Variants in RALYL observed in about 807,000 individuals in gnomAD.
The protein encoded by RALYL is RALY RNA binding protein like.
A neutral mutation model predicts 35.1 loss-of-function variants in RALYL; 29 were observed. That is an observed-to-expected ratio of 0.83 (90% CI 0.61 to 1.13). RALYL has a LOEUF of 1.13. RALYL is among the 50% of genes most tolerant of loss of function. The pLI is 0.00. For synonymous variants in RALYL, 120 were observed against 127.6 expected (o/e 0.94, Z 0.40); for missense variants, 359 against 360.4 (o/e 1.00, Z 0.03).
intron 1 of RALYL, among the ~76,000 whole-genome samples, chr8:84,265,343 A>G (rs1236398558): frequency 6.6e-6 from 1 of 152,230 alleles, no homozygotes; most frequent in Admixed American, 6.5e-5. Flanking sequence ...GTGGCCAGAA[A>G]GAGATACTAT....
chr8:84,586,659 G>A (rs1245227236), intron 2 of RALYL, among the ~76,000 whole-genome samples: 1 of 152,138 alleles, frequency 6.6e-6, no homozygotes. Flanking sequence ...AGCTAGTACA[G>A]TTGAGTTTGA....
At chr8:84,793,342 A>T (rs1382608755) in intron 3 of RALYL, among the ~76,000 whole-genome samples, 5 of 152,186 alleles carry the variant, frequency 3.3e-5, no homozygotes, top group Non-Finnish European at 7.3e-5. Flanking sequence ...GTGGTATGAA[A>T]CTCAGGGAAG....
chr8:84,795,875 C>T (rs377044185), intron 3 of RALYL, among the ~76,000 whole-genome samples: 4 of 152,252 alleles, frequency 2.6e-5, no homozygotes, highest in South Asian at 2.1e-4. Context: ...AATGTTTATT[C>T]GCACTTTCAG....
chr8:84,207,575 G>T (rs1586176818), intron 1 of RALYL, among the ~76,000 whole-genome samples: 1 of 151,982 alleles, frequency 6.6e-6, no homozygotes, highest in Admixed American at 6.6e-5. Flanking sequence ...TGGACAAAAT[G>T]GGGAGATGTT....
At chr8:84,623,611 G>A (rs192880872) in intron 2 of RALYL, among the ~76,000 whole-genome samples, 7 of 152,196 alleles carry the variant, frequency 4.6e-5, no homozygotes, top group African/African-American at 1.7e-4. Flanking sequence ...ATTAAGGGGA[G>A]AGTATGAGAT....
At chr8:84,615,850 G>GT (rs1409384362) in intron 2 of RALYL, among the ~76,000 whole-genome samples, 5 of 100,628 alleles carry the variant, frequency 5.0e-5, no homozygotes, top group Admixed American at 2.1e-4. Flanking sequence ...GCGGTGTTTG[G>GT]TTTTTTGTTC....
chr8:84,464,303 C>A (rs2051237444), intron 1 of RALYL, among the ~76,000 whole-genome samples: 1 of 152,002 alleles, frequency 6.6e-6, no homozygotes, highest in South Asian at 2.1e-4. Context: ...ACCCCTACCC[C>A]ACAACAGTCC....
intron 1 of RALYL, among the ~76,000 whole-genome samples, chr8:84,331,115 A>G (rs562666876): frequency 2.6e-5 from 4 of 152,194 alleles, no homozygotes; most frequent in South Asian, 4.1e-4. Flanking sequence ...AAATGTATAT[A>G]AGACATTCTA....
intron 1 of RALYL, among the ~76,000 whole-genome samples, chr8:84,188,878 A>G (rs958769488): frequency 6.6e-6 from 1 of 152,128 alleles, no homozygotes; most frequent in Middle Eastern, 3.2e-3. Context: ...GTGGAAAATT[A>G]ACTTTGTGTT....
chr8:84,821,032 C>T (rs956788671), intron 4 of RALYL, among the ~76,000 whole-genome samples: 25 of 152,094 alleles, frequency 1.6e-4, no homozygotes, highest in African/African-American at 5.6e-4. Context: ...TGATTTCACT[C>T]GGCTACCTTC....
At chr8:84,248,748 T>G (rs962177832) in intron 1 of RALYL, among the ~76,000 whole-genome samples, 2 of 152,098 alleles carry the variant, frequency 1.3e-5, no homozygotes, top group African/African-American at 4.8e-5. Context: ...TTATTCAAAC[T>G]CATATTTAAC....
rs1429479985 is a variant in RALYL at position 84,424,827 on chromosome 8, C to T, written c.-23-104472C>T. 1.2e-4 allele frequency among the ~76,000 whole-genome samples: 18 copies of T among 152,122 alleles called. No homozygotes were observed. The East Asian group carries it at 3.3e-3, about 28-fold the overall frequency. On this transcript the variant is annotated intron_variant, in intron 1 of 8. Coordinates refer to ENST00000521268, the MANE Select transcript of RALYL (RefSeq NM_173848.7). The stretch of plus-strand genomic sequence containing the variant: ...CCCTGCTGTGTGAGGTGTCAGTGTG[C>T]CCCTGCTGGGGGGTGCCTCCCAGTT...
intron 2 of RALYL, among the ~76,000 whole-genome samples, chr8:84,734,080 G>A (rs1292297946): frequency 2.0e-5 from 3 of 152,140 alleles, no homozygotes; most frequent in Admixed American, 6.6e-5. Context: ...TAAAAAATGC[G>A]TGATTTATGC....
chr8:84,797,463 A>T (rs927330758), intron 3 of RALYL, among the ~76,000 whole-genome samples: 5 of 152,238 alleles, frequency 3.3e-5, no homozygotes, highest in African/African-American at 1.2e-4. Flanking sequence ...TCCCTGGCAC[A>T]TCGCAAGCTC....
At chr8:84,560,135 A>T (rs2135568871) in intron 2 of RALYL, among the ~76,000 whole-genome samples, 1 of 152,106 alleles carries the variant, frequency 6.6e-6, no homozygotes, top group African/African-American at 2.4e-5. Flanking sequence ...AGGTCTGAAA[A>T]GTCTAACTGC....
At chr8:84,911,404 C>T (rs1181765829) in intron 8 of RALYL, among the ~76,000 whole-genome samples, 1 of 152,028 alleles carries the variant, frequency 6.6e-6, no homozygotes, top group Non-Finnish European at 1.5e-5. Context: ...TGGCTATTTG[C>T]TATTATTAAT....
chr8:84,327,772 TA>T (rs545556365), intron 1 of RALYL, among the ~76,000 whole-genome samples: 1 of 152,184 alleles, frequency 6.6e-6, no homozygotes, highest in Non-Finnish European at 1.5e-5. Context: ...GGAGTTCTTT[TA>T]AAAAAGTGTG....
intron 1 of RALYL, among the ~76,000 whole-genome samples, chr8:84,502,445 C>G (rs2056781662): frequency 6.6e-6 from 1 of 150,834 alleles, no homozygotes; most frequent in Non-Finnish European, 1.5e-5. Flanking sequence ...ACTAAAAAAC[C>G]AAGATTTATA....
intron 2 of RALYL, among the ~76,000 whole-genome samples, chr8:84,640,752 C>G (rs1826137853): frequency 6.6e-6 from 1 of 151,862 alleles, no homozygotes; most frequent in South Asian, 2.1e-4. Context: ...CAGTGTGACA[C>G]CACAGAAGCT....
Sources: gnomAD v4.1 joint callset for allele counts (sites outside exome capture counted in the v4.1 genomes callset) on GRCh38, gnomAD v4.1.1 for gene constraint, MANE v1.5 for transcripts, NCBI Gene and HGNC (gene_info 2026-07-23, HGNC 2026-07-21) for gene names.